Variants in RYR2 observed in about 807,000 individuals in gnomAD.
RYR2 encodes ryanodine receptor 2, also known as cardiac muscle ryanodine receptor-calcium release channel.
RYR2 carries 227 observed loss-of-function variants against 601.1 expected under a neutral mutation model. That is an observed-to-expected ratio of 0.38 (90% CI 0.34 to 0.42). The LOEUF is 0.42. RYR2 is among the 10% of genes least tolerant of loss of function. The probability of loss-of-function intolerance (pLI) is 1.00; values close to 1 mark genes in which losing one functional copy is unlikely to be tolerated. For missense variants in RYR2, 4,646 were observed against 6,156.5 expected (o/e 0.75, Z 8.21); for synonymous variants, 2,223 against 2,175.1 (o/e 1.02, Z -0.61).
chr1:237,582,575 C>G (rs1008926819), intron 29 of RYR2, among the ~76,000 whole-genome samples: 1 of 152,012 alleles, frequency 6.6e-6, no homozygotes, highest in Non-Finnish European at 1.5e-5. Flanking sequence ...CAACCCTTGT[C>G]CCCCCACCAC....
Position 237,548,436 on chromosome 1 carries a change from A to G in RYR2, c.2912A>G (p.Gln971Arg), listed in dbSNP as rs1313141072. ...TCTTTGTCTCTGATTTGTAGTTACC[A>G]GCTGACAAGTGGATACAAGCCTGCC... ...VKKMKLPKNY[Q>R]LTSGYKPAPM... The change falls in exon 26 of 105, where the codon CAG becomes CGG. Residue 971 changes from glutamine to arginine, a missense_variant. Around this residue, in one of 17 missense-constraint regions of RYR2, gnomAD observed 1,807 missense variants for 2,088.1 expected, o/e 0.87. Transcript: ENST00000366574. The G allele has an allele frequency of 6.2e-7, 1 of 1,613,534 alleles. No homozygotes were observed.
At chr1:237,314,494 T>G (rs926697891) in intron 2 of RYR2, among the ~76,000 whole-genome samples, 3 of 152,228 alleles carry the variant, frequency 2.0e-5, no homozygotes, top group Non-Finnish European at 4.4e-5. Context: ...GGTTAAAAAG[T>G]GGTACTAGCC....
intron 1 of RYR2, among the ~76,000 whole-genome samples, chr1:237,117,749 T>TCTCTTCTCTTCTCTTCTCTC (rs1670293918): frequency 7.8e-6 from 1 of 128,886 alleles, no homozygotes; most frequent in Non-Finnish European, 1.6e-5. Flanking sequence ...TCTCTTCTCT[T>TCTCTTCTCTTCTCTTCTCTC]CTCTTCTCTG....
chr1:237,662,725 T>C (rs1174667478), intron 56 of RYR2, among the ~76,000 whole-genome samples: 1 of 152,236 alleles, frequency 6.6e-6, no homozygotes, highest in Non-Finnish European at 1.5e-5. Flanking sequence ...ATCTCTCATG[T>C]CTTAGTGATT....
intron 48 of RYR2, among the ~76,000 whole-genome samples, chr1:237,647,045 G>A (rs1682238995): frequency 6.6e-6 from 1 of 152,180 alleles, no homozygotes; most frequent in Non-Finnish European, 1.5e-5. Context: ...CCTAGGCACA[G>A]CTACGGTTTA....
intron 1 of RYR2, among the ~76,000 whole-genome samples, chr1:237,229,549 C>T (rs1223227158): frequency 2.0e-5 from 3 of 151,998 alleles, no homozygotes; most frequent in Non-Finnish European, 2.9e-5. Flanking sequence ...GTTGGTGACC[C>T]GGAAGTGACC....
At chr1:237,672,373 C>G (rs1558190196) in intron 58 of RYR2, among the ~76,000 whole-genome samples, 1 of 152,168 alleles carries the variant, frequency 6.6e-6, no homozygotes, top group Non-Finnish European at 1.5e-5. Context: ...ATAGCATTCT[C>G]TGGGACTAAA....
Position 237,731,449 on chromosome 1 carries a change from C to T in RYR2, c.10936-597C>T, listed in dbSNP as rs563721080. ...GCATTAACTCATTTAGTATTATTTACGTATCATGCTGTGTGTAAGCGAAGA... is the reference window on the plus strand; with the variant it reads ...GCATTAACTCATTTAGTATTATTTATGTATCATGCTGTGTGTAAGCGAAGA... On this transcript the variant is annotated intron_variant, in intron 77 of 104. Transcript: ENST00000366574. Among the ~76,000 whole-genome samples the T allele has an allele frequency of 3.9e-5, 6 of 152,156 alleles. No homozygotes were observed. In the South Asian group the frequency reaches 6.2e-4, roughly 16 times the overall value.
chr1:237,179,722 T>G (rs1678487646), intron 1 of RYR2, among the ~76,000 whole-genome samples: 1 of 152,100 alleles, frequency 6.6e-6, no homozygotes, highest in Non-Finnish European at 1.5e-5. Context: ...GATGGTGCTC[T>G]GGGGCTAGCC....
intron 2 of RYR2, among the ~76,000 whole-genome samples, chr1:237,273,450 G>A (rs1404153856): frequency 6.6e-6 from 1 of 152,138 alleles, no homozygotes; most frequent in African/African-American, 2.4e-5. Context: ...GGGGACCCCT[G>A]CCCCAAGAAA....
At chr1:237,342,162 T>A (rs1388513548) in intron 3 of RYR2, among the ~76,000 whole-genome samples, 1 of 152,146 alleles carries the variant, frequency 6.6e-6, no homozygotes, top group East Asian at 1.9e-4. Context: ...TTCCTTTTTT[T>A]TTTTTGAGTT....
At chr1:237,456,268 A>T (rs1474328728) in intron 15 of RYR2, among the ~76,000 whole-genome samples, 3 of 152,220 alleles carry the variant, frequency 2.0e-5, no homozygotes, top group African/African-American at 7.2e-5. Context: ...AAGAATAATA[A>T]TAATGCCTAT....
intron 14 of RYR2, among the ~76,000 whole-genome samples, chr1:237,451,787 TA>T (rs1293598701): frequency 1.3e-5 from 2 of 152,262 alleles, no homozygotes. Context: ...ATTTTTCAGT[TA>T]TTTTTTTACT....
chr1:237,061,267 TCCATCTA>T (rs1558163845), intron 1 of RYR2, among the ~76,000 whole-genome samples: 56 of 92,784 alleles, frequency 6.0e-4, no homozygotes, highest in African/African-American at 2.0e-3. Flanking sequence ...TATCTATCTA[TCCATCTA>T]TCATCTATCT....
intron 79 of RYR2, among the ~76,000 whole-genome samples, chr1:237,741,910 A>C (rs1417950308): frequency 6.6e-6 from 1 of 152,004 alleles, no homozygotes; most frequent in Non-Finnish European, 1.5e-5. Flanking sequence ...TCTAATTTTA[A>C]CTAATGGTCA....
At chr1:237,044,380 C>A (rs1467038047) in intron 1 of RYR2, among the ~76,000 whole-genome samples, 6 of 152,094 alleles carry the variant, frequency 3.9e-5, no homozygotes, top group African/African-American at 9.7e-5. Flanking sequence ...AACTGTTAAG[C>A]CGAGCTCATG....
intron 7 of RYR2, among the ~76,000 whole-genome samples, chr1:237,375,679 G>A (rs1374120259): frequency 6.6e-6 from 1 of 152,076 alleles, no homozygotes; most frequent in African/African-American, 2.4e-5. Flanking sequence ...AAGAACCCCT[G>A]GCACCAGAAA....
chr1:237,629,043 CCTT>C (rs1436201252), intron 41 of RYR2, among the ~76,000 whole-genome samples: 1 of 151,974 alleles, frequency 6.6e-6, no homozygotes, highest in Non-Finnish European at 1.5e-5. Flanking sequence ...CATTGGAAGA[CCTT>C]CTAAAATTTT....
chr1:237,507,116 T>C (rs1309739781), intron 23 of RYR2, among the ~76,000 whole-genome samples: 2 of 152,252 alleles, frequency 1.3e-5, no homozygotes, highest in African/African-American at 2.4e-5. Flanking sequence ...ATAATAGGCA[T>C]TGATTTTTAA....
Sources: allele counts gnomAD v4.1 joint callset (sites outside exome capture counted in the v4.1 genomes callset), GRCh38; gene constraint gnomAD v4.1.1; regional missense constraint gnomAD v4.1.1; transcripts MANE v1.5; gene names NCBI Gene and HGNC (gene_info 2026-07-23, HGNC 2026-07-21).